ZNF385B: variants seen among roughly 807,000 people sequenced by gnomAD.
ZNF385B encodes the protein zinc finger protein 533.
A neutral mutation model predicts 39.2 loss-of-function variants in ZNF385B; 23 were observed. That is an observed-to-expected ratio of 0.59 (90% confidence interval 0.42 to 0.83). ZNF385B has a LOEUF of 0.83. ZNF385B is among the 40% of genes least tolerant of loss of function. The probability of loss-of-function intolerance (pLI) is 0.00; values close to 1 mark genes in which losing one functional copy is unlikely to be tolerated. For missense variants in ZNF385B, 552 were observed against 598.9 expected (o/e 0.92, Z 0.82); for synonymous variants, 205 against 222.6 (o/e 0.92, Z 0.70).
chr2:179,612,026 C>T (rs1689330074), intron 3 of ZNF385B, among the ~76,000 whole-genome samples: 1 of 152,048 alleles, frequency 6.6e-6, no homozygotes, highest in Non-Finnish European at 1.5e-5. Flanking sequence ...ATAAATACTG[C>T]AGTATTTCAA....
intron 5 of ZNF385B, among the ~76,000 whole-genome samples, chr2:179,495,476 G>A (rs568852087): frequency 1.1e-4 from 17 of 152,184 alleles, no homozygotes; most frequent in Non-Finnish European, 1.9e-4. Context: ...CTTTGCCACC[G>A]GCTTATTGTA....
In ZNF385B at chr2:179,718,271, GA is replaced by G. The variant is rs565991993; in HGVS notation, c.298+51231del. ...ACGCATGTTGACACATCAATAGTGA[GA>G]ATTTTAAATACTGGGTCTTAAAAGT... On this transcript the variant is annotated intron_variant, in intron 3 of 9. Coordinates refer to ENST00000410066, the MANE Select transcript of ZNF385B (RefSeq NM_152520.6). 6.5e-4 allele frequency among the ~76,000 whole-genome samples: 98 copies of G among 150,958 alleles called. 1 individual carries two copies. Among genetic ancestry groups the G allele is most frequent in the Non-Finnish European group, 1.2e-3 (78 of 67,714 alleles).
chr2:179,554,744 A>G (rs574091316), intron 3 of ZNF385B, among the ~76,000 whole-genome samples: 10 of 149,356 alleles, frequency 6.7e-5, no homozygotes, highest in African/African-American at 2.3e-4. Context: ...AACATACAAA[A>G]ACGGTGCTTA....
chr2:179,701,376 A>T (rs1699187048), intron 3 of ZNF385B, among the ~76,000 whole-genome samples: 1 of 152,262 alleles, frequency 6.6e-6, no homozygotes, highest in Non-Finnish European at 1.5e-5. Context: ...TTGTATTCTT[A>T]GACAATAATA....
intron 3 of ZNF385B, among the ~76,000 whole-genome samples, chr2:179,724,896 T>G (rs1700908782): frequency 6.6e-6 from 1 of 152,150 alleles, no homozygotes; most frequent in Non-Finnish European, 1.5e-5. Flanking sequence ...TTATAGAAAT[T>G]AATGTAAGAT....
chr2:179,838,673 T>C (rs965746550), intron 1 of ZNF385B, among the ~76,000 whole-genome samples: 7 of 152,288 alleles, frequency 4.6e-5, no homozygotes, highest in East Asian at 1.9e-4. Context: ...TATAAATATC[T>C]ATATGGCTAG....
At chr2:179,521,359 T>TTTC (rs2058487744) in intron 4 of ZNF385B, among the ~76,000 whole-genome samples, 1 of 146,226 alleles carries the variant, frequency 6.8e-6, no homozygotes, top group Admixed American at 6.8e-5. Context: ...GCCAGTTTTT[T>TTTC]TTTTTTTTTT....
At position 179,445,555 on chromosome 2, in the gene ZNF385B, T is replaced by G. The variant is rs1287332164; in HGVS notation, c.1135A>C (p.Lys379Gln). Residue 379 changes from lysine to glutamine, a missense_variant, in exon 8 of 10, where the codon AAA (lysine) becomes CAA (glutamine). Coordinates refer to ENST00000410066, the MANE Select transcript of ZNF385B (RefSeq NM_152520.6). ...DVHVNSEIQL[K>Q]QHISSRRHKD... Reference sequence around the variant, plus strand: ...ACTAATTCAGGATACGTTACCTGTTTGAGTTGAATTTCTGAATTAACATGA... The same window carrying G: ...ACTAATTCAGGATACGTTACCTGTTGGAGTTGAATTTCTGAATTAACATGA... 2 of 1,610,854 alleles carry G rather than the reference T, an allele frequency of 1.2e-6. No individual in the cohort carries two copies. Among genetic ancestry groups the G allele is most frequent in the East Asian group, 2.2e-5 (1 of 44,792 alleles).
chr2:179,592,548 T>C (rs1023928787), intron 3 of ZNF385B, among the ~76,000 whole-genome samples: 2 of 152,172 alleles, frequency 1.3e-5, no homozygotes, highest in African/African-American at 4.8e-5. Flanking sequence ...AATTCTACCC[T>C]AGGAAAGTGC....
chr2:179,527,711 C>T (rs1158105360), intron 4 of ZNF385B, among the ~76,000 whole-genome samples: 2 of 152,104 alleles, frequency 1.3e-5, no homozygotes, highest in African/African-American at 4.8e-5. Flanking sequence ...ACATATTACA[C>T]ATTTATAAAT....
At chr2:179,688,051 C>T (rs1698060124) in intron 3 of ZNF385B, among the ~76,000 whole-genome samples, 2 of 152,140 alleles carry the variant, frequency 1.3e-5, no homozygotes, top group East Asian at 3.9e-4. Flanking sequence ...CAAACTGGGA[C>T]TCTGACTCTG....
At position 179,537,742 on chromosome 2, in the gene ZNF385B, AAAAC is replaced by A. The variant is rs975600820; in HGVS notation, c.441+7081_441+7084del. On this transcript the variant is annotated intron_variant, in intron 4 of 9. Coordinates refer to ENST00000410066, the MANE Select transcript of ZNF385B (RefSeq NM_152520.6). ...GGTGACAGAGCAAGACTCTGTCTCA[AAAAC>A]AAACAAACAAACAAACAAACAAAAA... Among the ~76,000 whole-genome samples, 191 of 144,914 alleles carry A rather than the reference AAAAC, an allele frequency of 1.3e-3. 2 individuals are homozygous for A. Among genetic ancestry groups the A allele is most frequent in the African/African-American group, 4.0e-3 (149 of 37,226 alleles).
intron 5 of ZNF385B, among the ~76,000 whole-genome samples, chr2:179,487,990 C>G (rs1205774900): frequency 1.3e-5 from 2 of 152,190 alleles, no homozygotes; most frequent in African/African-American, 2.4e-5. Flanking sequence ...AAGCTCTTCA[C>G]TTTCTCAAAT....
chr2:179,582,514 T>G (rs1157373428), intron 3 of ZNF385B, among the ~76,000 whole-genome samples: 1 of 152,140 alleles, frequency 6.6e-6, no homozygotes, highest in African/African-American at 2.4e-5. Flanking sequence ...TGGGGTTTTT[T>G]GAGTGTGCGC....
intron 1 of ZNF385B, among the ~76,000 whole-genome samples, chr2:179,777,056 A>G (rs192451544): frequency 1.3e-4 from 20 of 152,084 alleles, no homozygotes; most frequent in Admixed American, 1.2e-3. Context: ...AAAAGCTGAT[A>G]GTTAATTTGT....
At chr2:179,512,353 G>T (rs1373015245) in intron 5 of ZNF385B, among the ~76,000 whole-genome samples, 1 of 152,136 alleles carries the variant, frequency 6.6e-6, no homozygotes, top group East Asian at 1.9e-4. Context: ...TTTGTATAAA[G>T]ATTTGATTTT....
intron 3 of ZNF385B, among the ~76,000 whole-genome samples, chr2:179,725,936 G>T (rs369375028): frequency 1.4e-5 from 2 of 140,356 alleles, no homozygotes; most frequent in African/African-American, 5.3e-5. Context: ...ATATATATGT[G>T]TATATACAGA....
In ZNF385B at chr2:179,443,288, G is replaced by A. The variant is rs572842673; in HGVS notation, c.1423C>T (p.Arg475Cys). 2.5e-5 allele frequency: 41 copies of A among 1,612,620 alleles called. No homozygotes were observed. In the South Asian group the frequency reaches 2.9e-4, roughly 11 times the overall value. ...ALLRPGHGPI[R>C]ATPASILFAP... ...AAGAGGATGGAGGCAGGAGTGGCGCGGATGGGCCCATGCCCAGGCCTCAGA... is the reference window on the plus strand; with the variant it reads ...AAGAGGATGGAGGCAGGAGTGGCGCAGATGGGCCCATGCCCAGGCCTCAGA... The change falls in exon 10 of 10, where the codon CGC becomes TGC. Residue 475 changes from arginine to cysteine, a missense_variant. Arg to Cys is a radical substitution (Grantham distance 180). Coordinates refer to ENST00000410066, the MANE Select transcript of ZNF385B (RefSeq NM_152520.6).
At chr2:179,856,676 A>G (rs1171291795) in intron 1 of ZNF385B, among the ~76,000 whole-genome samples, 2 of 151,984 alleles carry the variant, frequency 1.3e-5, no homozygotes, top group African/African-American at 4.8e-5. Context: ...AACAGCCACA[A>G]TCCGCAATCT....
Sources: gnomAD v4.1 joint callset for allele counts (sites outside exome capture counted in the v4.1 genomes callset) on GRCh38, gnomAD v4.1.1 for gene constraint, MANE v1.5 for transcripts, NCBI Gene and HGNC (gene_info 2026-07-23, HGNC 2026-07-21) for gene names.